THSD7A: variants seen among roughly 807,000 people sequenced by gnomAD.
THSD7A encodes the protein thrombospondin type-1 domain-containing protein 7A.
A neutral mutation model predicts 231.3 loss-of-function variants in THSD7A; 96 were observed. That is an observed-to-expected ratio of 0.41 (90% CI 0.35 to 0.49). THSD7A has a LOEUF of 0.49. THSD7A is among the 20% of genes least tolerant of loss of function. The pLI is 0.05. For synonymous variants in THSD7A, 940 were observed against 743.3 expected, an observed-to-expected ratio of 1.26 and a Z score of -4.30; for missense variants, 2,290 against 2,070.2, an observed-to-expected ratio of 1.11 and a Z score of -2.06.
At chr7:11,510,724 G>C (rs1326012898) in intron 6 of THSD7A, among the ~76,000 whole-genome samples, 5 of 151,996 alleles carry the variant, frequency 3.3e-5, no homozygotes, top group African/African-American at 1.2e-4. Context: ...AAATTCAACA[G>C]CCCTTCATGC....
chr7:11,708,193 T>C (rs1312357437), intron 1 of THSD7A, among the ~76,000 whole-genome samples: 1 of 150,866 alleles, frequency 6.6e-6, no homozygotes, highest in African/African-American at 2.4e-5. Flanking sequence ...AGAAGGTTTA[T>C]ATTTTAATAA....
intron 23 of THSD7A, among the ~76,000 whole-genome samples, chr7:11,388,670 GT>G (rs1782861377): frequency 6.6e-6 from 1 of 152,016 alleles, no homozygotes; most frequent in African/African-American, 2.4e-5. Flanking sequence ...TTTTAGAAGA[GT>G]TTTTTGTGTC....
intron 23 of THSD7A, among the ~76,000 whole-genome samples, chr7:11,392,298 G>A (rs114268339): frequency 0.018 from 2,684 of 152,086 alleles, 89 homozygotes; most frequent in African/African-American, 0.061. Context: ...AGGGGTTGGG[G>A]AACTCTCTCC....
intron 2 of THSD7A, among the ~76,000 whole-genome samples, chr7:11,612,848 T>C (rs985187315): frequency 6.6e-6 from 1 of 152,216 alleles, no homozygotes; most frequent in Non-Finnish European, 1.5e-5. Flanking sequence ...CTCTGATTAT[T>C]AGTGAGGATG....
chr7:11,786,141 T>C (rs905143486), intron 1 of THSD7A, among the ~76,000 whole-genome samples: 3 of 148,514 alleles, frequency 2.0e-5, no homozygotes, highest in Non-Finnish European at 4.4e-5. Context: ...CAGTCTCTAA[T>C]AGTTTGGTTA....
At chr7:11,600,850 C>T (rs1466658102) in intron 2 of THSD7A, among the ~76,000 whole-genome samples, 1 of 152,178 alleles carries the variant, frequency 6.6e-6, no homozygotes, top group Non-Finnish European at 1.5e-5. Flanking sequence ...GAGACAATTA[C>T]AGCTCAAAGC....
intron 27 of THSD7A, 25 bp downstream of exon 27, chr7:11,376,545 G>A (rs199990224): frequency 1.2e-4 from 181 of 1,522,432 alleles, no homozygotes; most frequent in Non-Finnish European, 1.5e-4. Context: ...TATCTCTTTG[G>A]ATTTTTAATT....
intron 13 of THSD7A, among the ~76,000 whole-genome samples, chr7:11,441,234 G>T (rs1241440401): frequency 6.6e-6 from 1 of 151,928 alleles, no homozygotes; most frequent in Non-Finnish European, 1.5e-5. Flanking sequence ...GAATAAACAA[G>T]AAACATAATA....
chr7:11,776,865 G>A (rs1034090754), intron 1 of THSD7A, among the ~76,000 whole-genome samples: 7 of 152,022 alleles, frequency 4.6e-5, no homozygotes, highest in African/African-American at 1.4e-4. Context: ...ATTCTTTCTC[G>A]TCAGGCCTAG....
chr7:11,729,342 T>C (rs1157753624), intron 1 of THSD7A, among the ~76,000 whole-genome samples: 2 of 151,794 alleles, frequency 1.3e-5, no homozygotes, highest in Non-Finnish European at 2.9e-5. Flanking sequence ...AAAAAATTAC[T>C]GTTAGTGTAG....
chr7:11,819,031 G>T (rs1224176668), intron 1 of THSD7A, among the ~76,000 whole-genome samples: 1 of 152,094 alleles, frequency 6.6e-6, no homozygotes, highest in Non-Finnish European at 1.5e-5. Flanking sequence ...ACAATTAAAA[G>T]AATGCAGATC....
rs768248887 is a variant in THSD7A at position 11,429,050 on chromosome 7, C to A, written c.3140G>T (p.Cys1047Phe). ...CACACCACTCCCACAGGACTTGCTG[C>A]AGCGCGACCAGTTGGACCACTCACT... ...KLSEWSNWSR[C>F]SKSCGSGVKV... The change falls in exon 14 of 28, where the codon TGC becomes TTC. Residue 1047 changes from cysteine to phenylalanine, a missense_variant. Coordinates refer to ENST00000423059, the MANE Select transcript of THSD7A (RefSeq NM_015204.3). The A allele has an allele frequency of 1.2e-6, 2 of 1,613,172 alleles. No homozygotes were observed. The highest frequency in any genetic ancestry group is 3.3e-5 in the Admixed American group (2 of 59,852).
chr7:11,523,612 GA>G (rs1222812247), intron 6 of THSD7A, among the ~76,000 whole-genome samples: 2 of 152,044 alleles, frequency 1.3e-5, no homozygotes, highest in Admixed American at 1.3e-4. Flanking sequence ...TAATAATAGA[GA>G]AGGAAGAATG....
chr7:11,666,354 G>C (rs566800653), intron 1 of THSD7A, among the ~76,000 whole-genome samples: 1 of 151,888 alleles, frequency 6.6e-6, no homozygotes, highest in African/African-American at 2.4e-5. Flanking sequence ...GAATAATTTT[G>C]TGCATAAAAT....
intron 2 of THSD7A, among the ~76,000 whole-genome samples, chr7:11,629,618 G>A (rs897863080): frequency 6.6e-6 from 1 of 152,132 alleles, no homozygotes. Context: ...TCACAAAGTC[G>A]TAGCGTGGGG....
Position 11,718,849 on chromosome 7 carries a change from T to C in THSD7A, c.191-81888A>G, listed in dbSNP as rs138607155. ...ACAAAAAGTTTGGGCATGCAGAACT[T>C]TGAATTTTATTACAGTATTTTTCTT... On this transcript the variant is annotated intron_variant, in intron 1 of 27. Transcript: ENST00000423059. Among the ~76,000 whole-genome samples the C allele has an allele frequency of 9.2e-3, 1,397 of 151,774 alleles. 31 individuals carry two copies. The highest frequency in any genetic ancestry group is 0.032 in the African/African-American group (1,334 of 41,484).
intron 14 of THSD7A, 79 bp downstream of exon 14, chr7:11,428,868 C>A (rs2115424809): frequency 1.2e-5 from 18 of 1,478,626 alleles, no homozygotes; most frequent in Non-Finnish European, 1.6e-5. Flanking sequence ...GCTATTATTT[C>A]CTCTTCTCCA....
chr7:11,434,850 G>A (rs909193764), intron 13 of THSD7A, among the ~76,000 whole-genome samples: 1 of 151,696 alleles, frequency 6.6e-6, no homozygotes, highest in Admixed American at 6.6e-5. Context: ...TGATACCTGG[G>A]GCAACCAAAT....
In THSD7A at chr7:11,825,807, T is replaced by C. The variant is rs559344835; in HGVS notation, c.190+5950A>G. Among the ~76,000 whole-genome samples the C allele has an allele frequency of 3.3e-5, 5 of 152,286 alleles. No homozygotes were observed. The East Asian group carries it at 9.7e-4, about 29-fold the overall frequency. ...GCCCCAGATTGATTAACGCTGACGC[T>C]CATGCTCTGTCTACCCTATTCCATC... On this transcript the variant is annotated intron_variant, in intron 1 of 27. Transcript: ENST00000423059.
Sources: allele counts gnomAD v4.1 joint callset (sites outside exome capture counted in the v4.1 genomes callset), GRCh38; gene constraint gnomAD v4.1.1; transcripts MANE v1.5; gene names NCBI Gene and HGNC (gene_info 2026-07-23, HGNC 2026-07-21).